The following CWF19L2 variants were observed in gnomAD, a reference collection of about 807,000 sequenced individuals.
The protein encoded by CWF19L2 is CWF19 like cell cycle control factor 2, also known as CWF19-like protein 2.
A neutral mutation model predicts 111.7 loss-of-function variants in CWF19L2; 98 were observed. That is an observed-to-expected ratio of 0.88 (90% CI 0.75 to 1.04). The LOEUF (loss-of-function observed/expected upper bound fraction) is 1.04. Ranked by LOEUF, CWF19L2 falls within the 50% of genes least tolerant of loss-of-function variation. The probability of loss-of-function intolerance (pLI) is 0.00; values close to 1 mark genes in which losing one functional copy is unlikely to be tolerated. For missense variants in CWF19L2, 1,101 were observed against 1,051.4 expected (o/e 1.05, Z -0.65); for synonymous variants, 351 against 342.9 (o/e 1.02, Z -0.26).
intron 12 of CWF19L2, among the ~76,000 whole-genome samples, chr11:107,372,283 T>C (rs1354476190): frequency 7.5e-6 from 1 of 134,216 alleles, no homozygotes; most frequent in Non-Finnish European, 1.6e-5. Flanking sequence ...GAGTCAGAGG[T>C]AAAGGCTTCC....
chr11:107,447,614 G>A (rs1041140214), intron 3 of CWF19L2, among the ~76,000 whole-genome samples: 6 of 152,068 alleles, frequency 3.9e-5, no homozygotes, highest in South Asian at 4.1e-4. Context: ...AGGTGCATAC[G>A]AACAAAACTT....
intron 10 of CWF19L2, among the ~76,000 whole-genome samples, chr11:107,396,144 A>G (rs489841): frequency 0.81 from 122,567 of 152,178 alleles, 50,039 homozygotes; most frequent in African/African-American, 0.94. Context: ...ACAGAAATGA[A>G]AAGTTCACTC....
chr11:107,431,578 C>T (rs1284174603), intron 7 of CWF19L2, among the ~76,000 whole-genome samples: 1 of 151,932 alleles, frequency 6.6e-6, no homozygotes, highest in East Asian at 1.9e-4. Flanking sequence ...TTCTATTGAG[C>T]TTAAACTAAA....
intron 15 of CWF19L2, among the ~76,000 whole-genome samples, chr11:107,336,223 T>C (rs529129637): frequency 2.0e-5 from 3 of 151,238 alleles, no homozygotes; most frequent in Non-Finnish European, 4.4e-5. Flanking sequence ...CACAGCTTAC[T>C]GCAACCTCCG....
At chr11:107,419,027 A>G (rs1861267254) in intron 8 of CWF19L2, among the ~76,000 whole-genome samples, 1 of 152,212 alleles carries the variant, frequency 6.6e-6, no homozygotes, top group Non-Finnish European at 1.5e-5. Context: ...AAGAAGCGAA[A>G]GCTGCACCAT....
chr11:107,457,786 T>C lies in CWF19L2; in HGVS notation c.31A>G (p.Arg11Gly), dbSNP rs1861877470. 6.4e-7 allele frequency: 1 copy of C among 1,551,614 alleles called. No homozygotes were observed. MATSMAAASG[R>G]FESAKSIEER... Reference sequence around the variant, plus strand: ...TCGATACTCTTCGCACTTTCAAATCTACCACTAGCAGCCGCCATACTTGTT... The same window carrying C: ...TCGATACTCTTCGCACTTTCAAATCCACCACTAGCAGCCGCCATACTTGTT... The change falls in exon 1 of 18, where the codon AGA (arginine) becomes GGA (glycine). Residue 11 changes from arginine (R) to glycine (G), a missense_variant. By Grantham distance (125) the Arg-to-Gly change is moderately radical. Transcript: ENST00000282251.
intron 12 of CWF19L2, among the ~76,000 whole-genome samples, chr11:107,364,229 C>CT (rs1860402311): frequency 1.4e-5 from 2 of 142,588 alleles, no homozygotes; most frequent in African/African-American, 2.7e-5. Flanking sequence ...TAATGGGAGA[C>CT]TTTAACACCC....
intron 12 of CWF19L2, among the ~76,000 whole-genome samples, chr11:107,361,863 G>A (rs897737557): frequency 2.0e-5 from 3 of 152,210 alleles, no homozygotes; most frequent in African/African-American, 7.2e-5. Flanking sequence ...ACAGCTCCAA[G>A]CGTGAGAGAC....
rs552541113 is a variant in CWF19L2 at position 107,392,955 on chromosome 11, T to C, written c.1618-60A>G. The C allele has an allele frequency of 4.7e-6, 5 of 1,065,284 alleles. No homozygotes were observed. In the Admixed American group the frequency reaches 8.5e-5, roughly 18 times the overall value. The allele number at this position is 1,065,284 out of a possible 1,614,324, so 66.0% of individuals were successfully genotyped here. On this transcript the variant is annotated intron_variant, in intron 10 of 17. Transcript: ENST00000282251. The stretch of plus-strand genomic sequence containing the variant: ...TTGTGAAGAATGTTGAATGTTTTTA[T>C]TTAATAACAAAAAAAGCATTAAAAT...
At chr11:107,419,974 GA>G (rs1349736660) in intron 8 of CWF19L2, among the ~76,000 whole-genome samples, 3 of 151,878 alleles carry the variant, frequency 2.0e-5, no homozygotes, top group Non-Finnish European at 4.4e-5. Context: ...CATATCACTT[GA>G]AGATAGACTA....
intron 13 of CWF19L2, among the ~76,000 whole-genome samples, chr11:107,349,714 GT>G (rs1250054009): frequency 6.6e-6 from 1 of 151,990 alleles, no homozygotes; most frequent in Non-Finnish European, 1.5e-5. Context: ...ATTTTGCTGG[GT>G]TTTAGCTAGA....
chr11:107,397,123 A>C (rs2161965), intron 10 of CWF19L2, among the ~76,000 whole-genome samples: 40,755 of 152,082 alleles, frequency 0.27, 5,857 homozygotes, highest in Non-Finnish European at 0.32. Flanking sequence ...GGAATTATCT[A>C]GCGGAACTTT....
In CWF19L2 at chr11:107,327,052, T is replaced by C; in HGVS notation, c.2543A>G (p.Glu848Gly). The change falls in exon 18 of 18, where the codon GAA becomes GGA. Residue 848 changes from glutamate to glycine, a missense_variant and splice_region_variant. Physicochemically the swap from Glu to Gly is moderately conservative, Grantham distance 98. Transcript: ENST00000282251. ...QHKFPHYFGK[E>G]IIGGMLDIEP... ...TATATCCAGCATCCCACCTATGATT[T>C]CCTTTTAAAGAAAGAGAAAAGCACA... is the stretch of plus-strand genomic sequence containing the variant. 1 of 1,586,704 alleles carries C rather than the reference T, an allele frequency of 6.3e-7. No homozygotes were observed. The highest frequency in any genetic ancestry group is 1.2e-5 in the South Asian group (1 of 85,890).
chr11:107,434,705 A>G (rs1311958196), intron 6 of CWF19L2, among the ~76,000 whole-genome samples: 1 of 151,082 alleles, frequency 6.6e-6, no homozygotes, highest in Non-Finnish European at 1.5e-5. Flanking sequence ...AACTACAACT[A>G]TATACAACAA....
At chr11:107,378,253 C>A (rs1461840238) in intron 12 of CWF19L2, among the ~76,000 whole-genome samples, 23 of 149,492 alleles carry the variant, frequency 1.5e-4, no homozygotes, top group Non-Finnish European at 3.1e-4. Context: ...TTGACCCAGC[C>A]ATCCCATTAC....
chr11:107,409,866 A>C (rs1286901473), intron 10 of CWF19L2, among the ~76,000 whole-genome samples: 1 of 152,166 alleles, frequency 6.6e-6, no homozygotes, highest in African/African-American at 2.4e-5. Flanking sequence ...AATAAATTAA[A>C]GACATTCATA....
intron 8 of CWF19L2, 108 bp from the exon 9 acceptor site, chr11:107,418,395 C>A: frequency 1.4e-6 from 1 of 724,860 alleles, no homozygotes; most frequent in Non-Finnish European, 2.5e-6. Flanking sequence ...CATTCAGTAC[C>A]AATAGCAGAT....
rs553912609 is a variant in CWF19L2 at position 107,392,664 on chromosome 11, A to G, written c.1734+115T>C. On this transcript the variant is annotated intron_variant, in intron 11 of 17. Transcript: ENST00000282251. ...GTAACAACATCATTTCCTACCTTCC[A>G]ATATTGGCATTCAAAAGCCACATTT... The G allele has an allele frequency of 1.4e-5, 8 of 575,664 alleles. No homozygotes were observed. The South Asian group carries it at 1.6e-4, about 12-fold the overall frequency. The allele number at this position is 575,664 out of a possible 1,614,324, so 35.7% of individuals were successfully genotyped here.
At chr11:107,335,338 A>G (rs1347650353) in intron 15 of CWF19L2, among the ~76,000 whole-genome samples, 1 of 152,200 alleles carries the variant, frequency 6.6e-6, no homozygotes, top group African/African-American at 2.4e-5. Flanking sequence ...TCTTCTTCCA[A>G]AAGGCAACAG....
Sources: allele counts gnomAD v4.1 joint callset (sites outside exome capture counted in the v4.1 genomes callset), GRCh38; gene constraint gnomAD v4.1.1; transcripts MANE v1.5; gene names NCBI Gene and HGNC (gene_info 2026-07-23, HGNC 2026-07-21).